UBE3C: variants seen among roughly 807,000 people sequenced by gnomAD.
The protein encoded by UBE3C is ubiquitin-protein ligase E3C.
Under a neutral mutation model 129.4 loss-of-function variants are expected in UBE3C, and 42 were observed. The ratio of observed to expected loss-of-function variants is 0.32; its 90% CI spans 0.25 to 0.42. UBE3C has a LOEUF of 0.42. Among genes scored for constraint, UBE3C ranks in the 10% least tolerant of loss-of-function variants. The pLI, the probability that UBE3C is intolerant of heterozygous loss-of-function variation, is 1.00. For missense variants in UBE3C, 1,049 were observed against 1,319.1 expected (o/e 0.80, Z 3.17); for synonymous variants, 510 against 492.4 (o/e 1.04, Z -0.47).
At chr7:157,164,286 A>T (rs1808154559) in intron 2 of UBE3C, 1 of 452,832 alleles carries the variant, frequency 2.2e-6, no homozygotes, top group East Asian at 7.0e-5. Flanking sequence ...AGCCTCCTGT[A>T]GCTGGGACTA....
intron 13 of UBE3C, among the ~76,000 whole-genome samples, chr7:157,215,735 C>G (rs1399186667): frequency 6.6e-6 from 1 of 151,850 alleles, no homozygotes; most frequent in Non-Finnish European, 1.5e-5. Flanking sequence ...GTTATATGAT[C>G]CAATCCTGGT....
chr7:157,178,642 ACATTTTGC>A, intron 5 of UBE3C, 40 bp from the exon 6 acceptor site: 4 of 1,575,358 alleles, frequency 2.5e-6, no homozygotes, highest in East Asian at 2.3e-5. Context: ...GAAACTGGTG[ACATTTTGC>A]CATCCTGTAA....
intron 1 of UBE3C, among the ~76,000 whole-genome samples, chr7:157,141,781 G>C (rs7784442): frequency 0.48 from 72,313 of 152,020 alleles, 19,811 homozygotes; most frequent in African/African-American, 0.77. Flanking sequence ...ACCACTTGTC[G>C]TTTGTGCCCG....
chr7:157,201,303 A>T (rs768227463), intron 10 of UBE3C, among the ~76,000 whole-genome samples: 4 of 152,138 alleles, frequency 2.6e-5, no homozygotes, highest in Non-Finnish European at 4.4e-5. Context: ...CAGCCTGGGC[A>T]ACAGAGCAAG....
At chr7:157,162,782 T>C (rs986687667) in intron 1 of UBE3C, among the ~76,000 whole-genome samples, 11 of 152,122 alleles carry the variant, frequency 7.2e-5, no homozygotes, top group Non-Finnish European at 1.5e-4. Context: ...CTTCCCAAAG[T>C]GCAGGGATTA....
At chr7:157,145,038 T>C (rs906383226) in intron 1 of UBE3C, among the ~76,000 whole-genome samples, 1 of 152,080 alleles carries the variant, frequency 6.6e-6, no homozygotes, top group Non-Finnish European at 1.5e-5. Flanking sequence ...CCCAGCACTT[T>C]AGGAGGCCGA....
In UBE3C at chr7:157,139,222, G is replaced by T; in HGVS notation, c.-51G>T. The T allele has an allele frequency of 5.8e-6, 8 of 1,377,504 alleles. No individual in the cohort carries two copies. The highest frequency in any genetic ancestry group is 1.5e-5 in the South Asian group (1 of 65,516). The allele number at this position is 1,377,504 out of a possible 1,614,324, so 85.3% of individuals were successfully genotyped here. On this transcript the variant is annotated 5_prime_UTR_variant, in exon 1 of 23. Transcript: ENST00000348165. ...TCCCAGCCCGCCCCGTGCCCCGCCC[G>T]CCCGGCTGCTTCCGCGGCGGCGCTG...
chr7:157,199,994 T>C (rs1193627516), intron 10 of UBE3C, among the ~76,000 whole-genome samples: 1 of 152,170 alleles, frequency 6.6e-6, no homozygotes, highest in Non-Finnish European at 1.5e-5. Flanking sequence ...ATGAATGCAG[T>C]GTGCCCCCAC....
intron 4 of UBE3C, among the ~76,000 whole-genome samples, chr7:157,173,335 G>C (rs1808430959): frequency 6.6e-6 from 1 of 152,148 alleles, no homozygotes; most frequent in South Asian, 2.1e-4. Flanking sequence ...ATGATCCTGC[G>C]ACTGCACTCC....
intron 19 of UBE3C, among the ~76,000 whole-genome samples, chr7:157,252,155 G>A (rs1426301083): frequency 1.3e-5 from 2 of 152,006 alleles, no homozygotes; most frequent in Admixed American, 1.3e-4. Flanking sequence ...AAAAGTTATA[G>A]AAATGTCAGT....
intron 1 of UBE3C, among the ~76,000 whole-genome samples, chr7:157,142,831 C>G (rs183537742): frequency 4.6e-5 from 7 of 151,794 alleles, no homozygotes. Context: ...ATAGGTACCC[C>G]CTAACTCTAA....
chr7:157,267,460 C>CG, intron 22 of UBE3C, 125 bp from the exon 23 acceptor site: 4 of 1,203,982 alleles, frequency 3.3e-6, no homozygotes, highest in Non-Finnish European at 4.7e-6. Flanking sequence ...AATGTGGTTT[C>CG]GGGAAAATGT....
At chr7:157,190,163 A>T (rs900750771) in intron 10 of UBE3C, among the ~76,000 whole-genome samples, 2 of 152,178 alleles carry the variant, frequency 1.3e-5, no homozygotes, top group Non-Finnish European at 2.9e-5. Context: ...CTTCAGCTAC[A>T]TTCTAGTGAC....
At chr7:157,172,435 G>A (rs983184998) in intron 4 of UBE3C, among the ~76,000 whole-genome samples, 4 of 152,032 alleles carry the variant, frequency 2.6e-5, no homozygotes, top group South Asian at 2.1e-4. Context: ...AGTCTTCCTC[G>A]CTACAAACCA....
intron 22 of UBE3C, among the ~76,000 whole-genome samples, chr7:157,263,414 C>T (rs907917862): frequency 1.3e-5 from 2 of 152,118 alleles, no homozygotes; most frequent in Admixed American, 6.5e-5. Flanking sequence ...TGGTGGCTCA[C>T]GCACTTTGGG....
intron 1 of UBE3C, among the ~76,000 whole-genome samples, chr7:157,140,900 C>T (rs141618918): frequency 5.3e-5 from 8 of 152,280 alleles, no homozygotes; most frequent in Non-Finnish European, 1.0e-4. Context: ...AAGATACAGT[C>T]AGGTTCACAA....
rs369753461 is a variant in UBE3C at position 157,139,345 on chromosome 7, G to A, written c.66+7G>A. 1.3e-6 allele frequency: 2 copies of A among 1,573,576 alleles called. No homozygotes were observed. The highest frequency in any genetic ancestry group is 1.7e-6 in the Non-Finnish European group (2 of 1,168,544). On this transcript the variant is annotated splice_region_variant and intron_variant, in intron 1 of 22. Coordinates refer to ENST00000348165, the MANE Select transcript of UBE3C (RefSeq NM_014671.3). ...TGGCGGCGCGAGCAGGAAGGTGAGG[G>A]CCGGGCTGGCGGGGCGCCCTCGGCT... is the stretch of plus-strand genomic sequence containing the variant.
At chr7:157,251,542 G>T (rs544384670) in intron 19 of UBE3C, among the ~76,000 whole-genome samples, 1 of 152,170 alleles carries the variant, frequency 6.6e-6, no homozygotes, top group East Asian at 1.9e-4. Flanking sequence ...TCTCAGACGG[G>T]TGTGAGTGCC....
At chr7:157,157,809 T>C (rs1308226222) in intron 1 of UBE3C, among the ~76,000 whole-genome samples, 1 of 152,072 alleles carries the variant, frequency 6.6e-6, no homozygotes, top group Non-Finnish European at 1.5e-5. Context: ...ACCTGGTCTC[T>C]ACTTTGAAAA....
Sources: gnomAD v4.1 joint callset for allele counts (sites outside exome capture counted in the v4.1 genomes callset) on GRCh38, gnomAD v4.1.1 for gene constraint, MANE v1.5 for transcripts, NCBI Gene and HGNC (gene_info 2026-07-23, HGNC 2026-07-21) for gene names.